EXOC4: variants seen among roughly 807,000 people sequenced by gnomAD.
The protein encoded by EXOC4 is SEC8-like 1.
A neutral mutation model predicts 107.2 loss-of-function variants in EXOC4; 71 were observed. That is an observed-to-expected ratio of 0.66 (90% CI 0.55 to 0.81). EXOC4 has a LOEUF of 0.81. Ranked by LOEUF, EXOC4 falls within the 30% of genes least tolerant of loss-of-function variation. The pLI, the probability that EXOC4 is intolerant of heterozygous loss-of-function variation, is 0.00. For missense variants in EXOC4, 1,108 were observed against 1,189.6 expected, an observed-to-expected ratio of 0.93 and a Z score of 1.01; for synonymous variants, 456 against 441.2, an observed-to-expected ratio of 1.03 and a Z score of -0.42.
chr7:133,274,295 G>A lies in EXOC4; in HGVS notation c.87-687G>A, dbSNP rs930131478. Among the ~76,000 whole-genome samples the A allele has an allele frequency of 1.1e-4, 17 of 152,162 alleles. 1 individual carries two copies. Among genetic ancestry groups the A allele is most frequent in the African/African-American group, 3.6e-4 (15 of 41,440 alleles). Reference sequence around the variant, plus strand: ...TTCAGGTCATTCAAATGAGCTTTTCGGAAGGTGGTTCCTCAGTGTATAAGT... The same window carrying A: ...TTCAGGTCATTCAAATGAGCTTTTCAGAAGGTGGTTCCTCAGTGTATAAGT... On this transcript the variant is annotated intron_variant, in intron 1 of 17. Transcript: ENST00000253861.
chr7:133,350,073 A>T (rs1795873620), intron 5 of EXOC4, among the ~76,000 whole-genome samples: 1 of 152,128 alleles, frequency 6.6e-6, no homozygotes, highest in Non-Finnish European at 1.5e-5. Context: ...TTTGTATATT[A>T]ATACCTTATC....
chr7:133,439,437 C>G (rs1798056872), intron 7 of EXOC4, among the ~76,000 whole-genome samples: 2 of 152,052 alleles, frequency 1.3e-5, no homozygotes, highest in African/African-American at 4.8e-5. Flanking sequence ...CCTGTCTCAG[C>G]CTCCCAAAGT....
In EXOC4 at chr7:133,581,757, C is replaced by CA. The variant is rs71162005; in HGVS notation, c.1418-48266dup. On this transcript the variant is annotated intron_variant, in intron 9 of 17. Coordinates refer to ENST00000253861, the MANE Select transcript of EXOC4 (RefSeq NM_021807.4). ...TGGGCGAAAGAGTGAGACTCCGTCTCAAAAAAAAAAAAAAAAAAAAAAGAA... is the reference window on the plus strand; with the variant it reads ...TGGGCGAAAGAGTGAGACTCCGTCTCAAAAAAAAAAAAAAAAAAAAAAAGAA... Among the ~76,000 whole-genome samples, 313 of 82,758 alleles carry CA rather than the reference C, an allele frequency of 3.8e-3. 3 individuals carry two copies. The highest frequency in any genetic ancestry group is 0.019 in the East Asian group (52 of 2,742). 54.3% of individuals were successfully genotyped at this position (82,758 alleles called of 152,430 possible).
chr7:133,599,052 G>T (rs1326438105), intron 9 of EXOC4, among the ~76,000 whole-genome samples: 2 of 152,074 alleles, frequency 1.3e-5, no homozygotes, highest in Non-Finnish European at 2.9e-5. Context: ...AAAGACTTTA[G>T]TATGAATAAA....
chr7:134,014,508 G>T (rs552866513), intron 17 of EXOC4, among the ~76,000 whole-genome samples: 3 of 152,246 alleles, frequency 2.0e-5, no homozygotes, highest in Admixed American at 1.3e-4. Flanking sequence ...ATGATGTGCT[G>T]AATCTTGAAA....
intron 12 of EXOC4, among the ~76,000 whole-genome samples, chr7:133,908,242 A>G (rs980562540): frequency 6.6e-6 from 1 of 152,248 alleles, no homozygotes; most frequent in Admixed American, 6.5e-5. Context: ...GTCTCTGTGC[A>G]AGGGACTTTA....
chr7:133,662,331 A>C (rs1287659211), intron 10 of EXOC4, among the ~76,000 whole-genome samples: 6 of 152,172 alleles, frequency 3.9e-5, no homozygotes, highest in Non-Finnish European at 8.8e-5. Flanking sequence ...ACACAGAAAG[A>C]AAGCCAGTTT....
chr7:133,901,409 G>A (rs1221113350), intron 12 of EXOC4, among the ~76,000 whole-genome samples: 2 of 152,060 alleles, frequency 1.3e-5, no homozygotes, highest in Non-Finnish European at 2.9e-5. Flanking sequence ...ATTACTTAGT[G>A]CCTCAGGAGT....
intron 5 of EXOC4, among the ~76,000 whole-genome samples, chr7:133,342,504 G>C (rs995126206): frequency 6.6e-6 from 1 of 152,046 alleles, no homozygotes; most frequent in East Asian, 1.9e-4. Flanking sequence ...ATGCCCAAGC[G>C]GTGATCTCTT....
At chr7:134,044,896 G>A (rs139627482) in intron 17 of EXOC4, among the ~76,000 whole-genome samples, 1 of 152,310 alleles carries the variant, frequency 6.6e-6, no homozygotes, top group East Asian at 1.9e-4. Context: ...TTTTCTCACA[G>A]CCTAACTCAG....
chr7:133,273,662 AG>A (rs1405350963), intron 1 of EXOC4, among the ~76,000 whole-genome samples: 1 of 152,220 alleles, frequency 6.6e-6, no homozygotes, highest in Non-Finnish European at 1.5e-5. Flanking sequence ...AAATTGGAAA[AG>A]AAGTTTTATA....
chr7:133,685,365 C>T (rs993101546), intron 10 of EXOC4, among the ~76,000 whole-genome samples: 5 of 152,150 alleles, frequency 3.3e-5, no homozygotes, highest in Non-Finnish European at 5.9e-5. Context: ...CTTATCCTTC[C>T]TGATGCCTTG....
intron 17 of EXOC4, among the ~76,000 whole-genome samples, chr7:134,015,301 C>T (rs1794876212): frequency 6.6e-6 from 1 of 152,226 alleles, no homozygotes; most frequent in East Asian, 1.9e-4. Context: ...CCTGTCTACA[C>T]TGAATAGAAT....
intron 13 of EXOC4, among the ~76,000 whole-genome samples, chr7:133,924,046 A>G (rs1799997989): frequency 6.6e-6 from 1 of 151,804 alleles, no homozygotes; most frequent in African/African-American, 2.4e-5. Flanking sequence ...TCGATTGGTT[A>G]GAGCCCTGAG....
At chr7:133,943,924 C>T (rs945120075) in intron 14 of EXOC4, among the ~76,000 whole-genome samples, 8 of 152,034 alleles carry the variant, frequency 5.3e-5, no homozygotes, top group African/African-American at 1.7e-4. Flanking sequence ...TATAACACAC[C>T]CCAATTCATG....
intron 9 of EXOC4, among the ~76,000 whole-genome samples, chr7:133,490,086 C>T (rs1225626989): frequency 6.6e-6 from 1 of 152,108 alleles, no homozygotes; most frequent in Admixed American, 6.6e-5. Flanking sequence ...GGTAAGTCCT[C>T]CTAGACCATG....
chr7:133,632,561 A>G (rs1294711175), intron 10 of EXOC4, among the ~76,000 whole-genome samples: 11 of 152,158 alleles, frequency 7.2e-5, no homozygotes, highest in Non-Finnish European at 2.9e-5. Context: ...TTCACACTTC[A>G]GCATTTCCTG....
At chr7:133,333,192 A>C (rs1334407685) in intron 5 of EXOC4, among the ~76,000 whole-genome samples, 1 of 152,162 alleles carries the variant, frequency 6.6e-6, no homozygotes, top group Non-Finnish European at 1.5e-5. Context: ...ATCAGTAAAA[A>C]TTTATGGATA....
chr7:133,272,673 TTA>T (rs1398131693), intron 1 of EXOC4, among the ~76,000 whole-genome samples: 1 of 152,150 alleles, frequency 6.6e-6, no homozygotes, highest in East Asian at 1.9e-4. Flanking sequence ...TCATCCTAGT[TTA>T]CATCAAGAGG....
Sources: allele counts gnomAD v4.1 joint callset (sites outside exome capture counted in the v4.1 genomes callset), GRCh38; gene constraint gnomAD v4.1.1; transcripts MANE v1.5; gene names NCBI Gene and HGNC (gene_info 2026-07-23, HGNC 2026-07-21).